The following KCNMA1 variants were observed in gnomAD, a reference collection of about 807,000 sequenced individuals.
KCNMA1 encodes the protein potassium calcium-activated channel subfamily M alpha 1.
A neutral mutation model predicts 140.0 loss-of-function variants in KCNMA1; 29 were observed. The observed-to-expected ratio is 0.21, with a 90% CI of 0.15 to 0.28. The LOEUF is 0.28. Among genes scored for constraint, KCNMA1 ranks in the 10% least tolerant of loss-of-function variants. KCNMA1 has a pLI of 1.00. For missense variants in KCNMA1, 880 were observed against 1,602.2 expected (o/e 0.55, Z 7.70); for synonymous variants, 612 against 611.9 (o/e 1.00, Z 0.00).
intron 25 of KCNMA1, among the ~76,000 whole-genome samples, chr10:76,893,956 C>A (rs1421240667): frequency 6.6e-6 from 1 of 152,012 alleles, no homozygotes; most frequent in East Asian, 1.9e-4. Context: ...TCACAAAGTC[C>A]ATTTTTTTGT....
At chr10:77,584,061 A>G (rs573707523) in intron 1 of KCNMA1, among the ~76,000 whole-genome samples, 1 of 152,352 alleles carries the variant, frequency 6.6e-6, no homozygotes, top group South Asian at 2.1e-4. Context: ...ACGCATTACT[A>G]AGGATCTGAT....
intron 2 of KCNMA1, among the ~76,000 whole-genome samples, chr10:77,308,209 G>A (rs1423063322): frequency 6.6e-6 from 1 of 152,130 alleles, no homozygotes; most frequent in Non-Finnish European, 1.5e-5. Flanking sequence ...ACTATCTAGA[G>A]TTGCCCTTGA....
At chr10:77,461,984 C>T (rs929250994) in intron 1 of KCNMA1, among the ~76,000 whole-genome samples, 15 of 152,228 alleles carry the variant, frequency 9.9e-5, no homozygotes, top group Middle Eastern at 3.4e-3. Flanking sequence ...AAGTACCATG[C>T]TCACAGACAC....
intron 2 of KCNMA1, among the ~76,000 whole-genome samples, chr10:77,307,997 T>C (rs147250722): frequency 2.0e-5 from 3 of 152,228 alleles, no homozygotes; most frequent in Non-Finnish European, 4.4e-5. Context: ...AATAATTGCA[T>C]GTTCATTAAC....
Position 77,073,244 on chromosome 10 carries a change from C to T in KCNMA1, c.1602G>A (p.Leu534=). The change falls in exon 14 of 28, where the codon CTG becomes CTA. Residue 534 remains leucine, a synonymous_variant. Transcript: ENST00000286628. ...TCCAATTCCAGCTCGGGATGTTTAG[C>T]AGATGGGCCTGGGGAAAGAAAAGCA... is the stretch of plus-strand genomic sequence containing the variant. ...QMLQYHNKAH[L]LNIPSWNWKE... 1 of 1,614,146 alleles carries T rather than the reference C, an allele frequency of 6.2e-7. No individual in the cohort carries two copies. Among genetic ancestry groups the T allele is most frequent in the Non-Finnish European group, 8.5e-7 (1 of 1,179,988 alleles).
chr10:77,527,110 A>C (rs975688343), intron 1 of KCNMA1, among the ~76,000 whole-genome samples: 1 of 152,220 alleles, frequency 6.6e-6, no homozygotes, highest in Non-Finnish European at 1.5e-5. Context: ...GTTCCATTCT[A>C]GGCCACAGCT....
intron 16 of KCNMA1, among the ~76,000 whole-genome samples, chr10:77,021,621 A>G (rs1404316174): frequency 6.6e-6 from 1 of 152,212 alleles, no homozygotes; most frequent in East Asian, 1.9e-4. Flanking sequence ...TGCACAGTGA[A>G]GTATCCTGTG....
chr10:77,291,424 G>C (rs1293485554), intron 2 of KCNMA1, among the ~76,000 whole-genome samples: 3 of 152,048 alleles, frequency 2.0e-5, no homozygotes, highest in African/African-American at 7.2e-5. Context: ...AAAAGGAAGA[G>C]AGAAAAAAGA....
At chr10:77,152,396 A>G (rs2154058511) in intron 5 of KCNMA1, among the ~76,000 whole-genome samples, 1 of 152,216 alleles carries the variant, frequency 6.6e-6, no homozygotes, top group African/African-American at 2.4e-5. Context: ...TTGATTACAA[A>G]TAGTTAACTT....
intron 3 of KCNMA1, among the ~76,000 whole-genome samples, chr10:77,245,959 A>ACAG (rs1249081946): frequency 6.6e-6 from 1 of 152,182 alleles, no homozygotes; most frequent in Non-Finnish European, 1.5e-5. Context: ...CAGACATCAG[A>ACAG]CAGCACCTGA....
intron 3 of KCNMA1, among the ~76,000 whole-genome samples, chr10:77,241,969 G>A (rs1026151065): frequency 2.0e-5 from 3 of 152,140 alleles, no homozygotes; most frequent in African/African-American, 7.2e-5. Flanking sequence ...TCACAGCACG[G>A]AGCTGGAGGC....
chr10:77,325,458 TG>T (rs2083816711), intron 2 of KCNMA1, among the ~76,000 whole-genome samples: 1 of 152,238 alleles, frequency 6.6e-6, no homozygotes, highest in Non-Finnish European at 1.5e-5. Flanking sequence ...CTCTGGGCTT[TG>T]GGCTACAGCT....
At chr10:77,134,299 T>C (rs1290380981) in intron 5 of KCNMA1, among the ~76,000 whole-genome samples, 1 of 152,028 alleles carries the variant, frequency 6.6e-6, no homozygotes, top group Non-Finnish European at 1.5e-5. Flanking sequence ...AATAATCAAA[T>C]ATGATACAAT....
chr10:77,225,676 C>T (rs1180831742), intron 3 of KCNMA1, among the ~76,000 whole-genome samples: 2 of 152,220 alleles, frequency 1.3e-5, no homozygotes, highest in African/African-American at 2.4e-5. Context: ...ACTGTGCCAC[C>T]ACCACTGAAG....
chr10:77,141,272 C>T lies in KCNMA1; in HGVS notation c.809-20224G>A, dbSNP rs558180120. Among the ~76,000 whole-genome samples the T allele has an allele frequency of 8.7e-4, 133 of 152,230 alleles. 1 individual carries two copies. Among genetic ancestry groups the T allele is most frequent in the Non-Finnish European group, 1.5e-3 (100 of 68,024 alleles). On this transcript the variant is annotated intron_variant, in intron 5 of 27. Transcript: ENST00000286628. Reference sequence around the variant, plus strand: ...ATCTTCTCTCATTACCAACCCCAGCCCCCTCTTAGTTCTCTGTTACAGGCT... The same window carrying T: ...ATCTTCTCTCATTACCAACCCCAGCTCCCTCTTAGTTCTCTGTTACAGGCT...
intron 2 of KCNMA1, among the ~76,000 whole-genome samples, chr10:77,301,402 T>C (rs2076497528): frequency 6.6e-6 from 1 of 152,228 alleles, no homozygotes; most frequent in Non-Finnish European, 1.5e-5. Flanking sequence ...GCTGGCTTGA[T>C]TCCATAAGAA....
At chr10:77,523,825 C>A (rs2054496211) in intron 1 of KCNMA1, among the ~76,000 whole-genome samples, 1 of 152,032 alleles carries the variant, frequency 6.6e-6, no homozygotes. Context: ...GGAGGGGAGG[C>A]AGGATGGTTA....
chr10:76,923,379 A>G (rs893443663), intron 23 of KCNMA1, among the ~76,000 whole-genome samples: 2 of 151,384 alleles, frequency 1.3e-5, no homozygotes, highest in African/African-American at 4.9e-5. Flanking sequence ...CAGTGAGCTG[A>G]GATTGCACCA....
chr10:77,451,249 TAAAC>T (rs1234179372), intron 1 of KCNMA1, among the ~76,000 whole-genome samples: 1 of 152,086 alleles, frequency 6.6e-6, no homozygotes, highest in Non-Finnish European at 1.5e-5. Context: ...ATCCCGGAAT[TAAAC>T]AGGGGGAGAA....
Sources: gnomAD v4.1 joint callset for allele counts (sites outside exome capture counted in the v4.1 genomes callset) on GRCh38, gnomAD v4.1.1 for gene constraint, MANE v1.5 for transcripts, NCBI Gene and HGNC (gene_info 2026-07-23, HGNC 2026-07-21) for gene names.